Variants in TRPM6 observed in about 807,000 individuals in gnomAD.
TRPM6 encodes the protein channel kinase 2.
Under a neutral mutation model 247.6 loss-of-function variants are expected in TRPM6, and 111 were observed. The observed-to-expected ratio is 0.45, with a 90% confidence interval of 0.38 to 0.52. The LOEUF (loss-of-function observed/expected upper bound fraction) is 0.52, where lower values mean the gene tolerates loss of function less well. Among genes scored for constraint, TRPM6 ranks in the 20% least tolerant of loss-of-function variants. The probability of loss-of-function intolerance (pLI) is 0.00; values close to 1 mark genes in which losing one functional copy is unlikely to be tolerated. For synonymous variants in TRPM6, 892 were observed against 853.8 expected (o/e 1.04, Z -0.78); for missense variants, 2,126 against 2,421.5 (o/e 0.88, Z 2.56).
chr9:74,804,854 C>A, intron 14 of TRPM6: 1 of 420,106 alleles, frequency 2.4e-6, no homozygotes. Context: ...AAAGAAAAGT[C>A]CGAAGCACAA....
At chr9:74,850,093 T>A (rs1004334259) in intron 3 of TRPM6, among the ~76,000 whole-genome samples, 1 of 152,162 alleles carries the variant, frequency 6.6e-6, no homozygotes, top group Non-Finnish European at 1.5e-5. Context: ...AGAACAGGGC[T>A]GGGCGCAGTG....
At chr9:74,790,544 C>T (rs145192624) in intron 19 of TRPM6, among the ~76,000 whole-genome samples, 187 of 152,248 alleles carry the variant, frequency 1.2e-3, no homozygotes, top group African/African-American at 4.2e-3. Flanking sequence ...GACTCATTTA[C>T]GTACATTAAT....
At chr9:74,854,482 C>A (rs1830462177) in intron 3 of TRPM6, among the ~76,000 whole-genome samples, 1 of 151,988 alleles carries the variant, frequency 6.6e-6, no homozygotes, top group Non-Finnish European at 1.5e-5. Context: ...ACGTTTGCAC[C>A]AAGCTAAGAG....
chr9:74,869,531 G>A (rs1830960844), intron 1 of TRPM6, among the ~76,000 whole-genome samples: 1 of 151,772 alleles, frequency 6.6e-6, no homozygotes, highest in Non-Finnish European at 1.5e-5. Context: ...TGTCGTATCT[G>A]CCAAAGGCTG....
In TRPM6 at chr9:74,762,949, C is replaced by T. The variant is rs1826704176; in HGVS notation, c.3722G>A (p.Arg1241Lys). Reference sequence around the variant, plus strand: ...AAGTTTTTTGCAAGTAGAATGCTTTCTCTTGGCCAGGAGAGCCTCATCCTC... The same window carrying T: ...AAGTTTTTTGCAAGTAGAATGCTTTTTCTTGGCCAGGAGAGCCTCATCCTC... ...LQEDEALLAK[R>K]KHSTCKKLPH... The change falls in exon 26 of 39, where the codon AGA (arginine) becomes AAA (lysine). Residue 1241 changes from arginine to lysine, a missense_variant. Arg to Lys is a conservative substitution (Grantham distance 26). Coordinates refer to ENST00000360774, the MANE Select transcript of TRPM6 (RefSeq NM_017662.5). 2 of 1,607,572 alleles carry T rather than the reference C, an allele frequency of 1.2e-6. No individual in the cohort carries two copies. The highest frequency in any genetic ancestry group is 1.7e-6 in the Non-Finnish European group (2 of 1,175,632).
chr9:74,848,802 A>G (rs1830189187), intron 3 of TRPM6, among the ~76,000 whole-genome samples: 1 of 152,208 alleles, frequency 6.6e-6, no homozygotes, highest in South Asian at 2.1e-4. Context: ...ACATTAGTAA[A>G]TGTTATATTT....
chr9:74,758,186 A>C (rs1239311662), intron 27 of TRPM6, among the ~76,000 whole-genome samples: 2 of 152,216 alleles, frequency 1.3e-5, no homozygotes, highest in Non-Finnish European at 2.9e-5. Context: ...TCATTGGTTA[A>C]TTCTACGAAT....
At chr9:74,728,484 AAAC>A in intron 37 of TRPM6, 139 bp from the exon 38 acceptor site, 2 of 690,794 alleles carry the variant, frequency 2.9e-6, no homozygotes, top group Non-Finnish European at 5.2e-6. Flanking sequence ...CACTTTGGGG[AAAC>A]AACAATGTTA....
chr9:74,777,369 G>C (rs948234923), intron 23 of TRPM6, among the ~76,000 whole-genome samples: 2 of 152,078 alleles, frequency 1.3e-5, no homozygotes, highest in Admixed American at 1.3e-4. Flanking sequence ...GTCAGATCTG[G>C]GGTTGGTCAC....
In TRPM6 at chr9:74,775,939, C is replaced by G; in HGVS notation, c.3347G>C (p.Arg1116Pro). ...AGGAGCTCGATGACAGCACAGGCGG[C>G]GGAGGAGAAGGCCCACGTGGCTCAG... ...ILLSHVGLLL[R>P]RLCCHRAPHD... The change falls in exon 24 of 39, where the codon CGC becomes CCC. Residue 1116 changes from arginine to proline, a missense_variant. Arg to Pro is a moderately radical substitution (Grantham distance 103). Around this residue, in one of 3 missense-constraint regions of TRPM6, gnomAD observed 717 missense variants for 715.9 expected, o/e 1.00. Coordinates refer to ENST00000360774, the MANE Select transcript of TRPM6 (RefSeq NM_017662.5). 6.2e-7 allele frequency: 1 copy of G among 1,614,104 alleles called. No individual in the cohort carries two copies. Among genetic ancestry groups the G allele is most frequent in the Non-Finnish European group, 8.5e-7 (1 of 1,180,012 alleles).
intron 1 of TRPM6, among the ~76,000 whole-genome samples, chr9:74,866,970 C>G (rs1461276810): frequency 1.3e-5 from 2 of 152,238 alleles, no homozygotes; most frequent in East Asian, 3.9e-4. Flanking sequence ...TCATTTTAAC[C>G]TGTTACATGC....
Position 74,739,772 on chromosome 9 carries a change from G to A in TRPM6, c.5438C>T (p.Thr1813Ile). The A allele has an allele frequency of 6.2e-7, 1 of 1,614,054 alleles. No individual in the cohort carries two copies. The highest frequency in any genetic ancestry group is 8.5e-7 in the Non-Finnish European group (1 of 1,180,018). ...VKSFLPEVVR[T>I]WHKIFQESTV... ...GCTCTCCTGGAAGATTTTATGCCATGTCCGCACAACCTCAGGAAGAAAGGA... is the reference window on the plus strand; with the variant it reads ...GCTCTCCTGGAAGATTTTATGCCATATCCGCACAACCTCAGGAAGAAAGGA... The change falls in exon 34 of 39, where the codon ACA becomes ATA. Residue 1813 changes from threonine to isoleucine, a missense_variant. Thr to Ile is a moderately conservative substitution (Grantham distance 89, BLOSUM62 -1). This residue lies in a region of TRPM6 where 327 missense variants were observed against 397.7 expected (regional missense o/e 0.82). Coordinates refer to ENST00000360774, the MANE Select transcript of TRPM6 (RefSeq NM_017662.5).
intron 3 of TRPM6, among the ~76,000 whole-genome samples, chr9:74,851,866 G>A (rs962347210): frequency 4.5e-4 from 67 of 149,956 alleles, no homozygotes; most frequent in African/African-American, 1.5e-3. Context: ...GTCCAGGTGC[G>A]GTGGCTCCCA....
chr9:74,840,590 G>A (rs907122624), intron 4 of TRPM6, among the ~76,000 whole-genome samples: 30 of 152,196 alleles, frequency 2.0e-4, no homozygotes, highest in Admixed American at 1.7e-3. Flanking sequence ...CGAGGTGGGC[G>A]GAACACCTGA....
intron 12 of TRPM6, among the ~76,000 whole-genome samples, chr9:74,811,145 C>A (rs1401399771): frequency 6.6e-6 from 1 of 152,094 alleles, no homozygotes; most frequent in East Asian, 1.9e-4. Flanking sequence ...TATTACTATC[C>A]TTTATCATAC....
chr9:74,748,015 T>C, intron 30 of TRPM6, 101 bp from the exon 31 acceptor site: 1 of 1,063,370 alleles, frequency 9.4e-7, no homozygotes. Context: ...ACACAAAGTA[T>C]ATATTTTATA....
intron 24 of TRPM6, among the ~76,000 whole-genome samples, chr9:74,772,355 A>G (rs1307739010): frequency 6.6e-6 from 1 of 152,246 alleles, no homozygotes; most frequent in Non-Finnish European, 1.5e-5. Flanking sequence ...TGACTCATAT[A>G]TAGAATTCTT....
At chr9:74,763,256 C>A in intron 25 of TRPM6, 122 bp from the exon 26 acceptor site, 3 of 944,290 alleles carry the variant, frequency 3.2e-6, no homozygotes, top group East Asian at 2.6e-5. Context: ...TAGGTTAAGT[C>A]TGTCTTTTGC....
Position 74,738,588 on chromosome 9 carries a change from G to A in TRPM6, c.5595C>T (p.Tyr1865=), listed in dbSNP as rs764231275. 1 of 1,613,922 alleles carries A rather than the reference G, an allele frequency of 6.2e-7. No homozygotes were observed. Among genetic ancestry groups the A allele is most frequent in the African/African-American group, 1.3e-5 (1 of 74,926 alleles). ...TPRFLEVFLI[Y]CHSANQWLTI... ...TCAACCACTGGTTGGCTGAATGGCA[G>A]TAGATTAAGAAAACTTCCAGGAACC... The change falls in exon 36 of 39, where the codon TAC becomes TAT. Residue 1865 remains tyrosine, a synonymous_variant. Coordinates refer to ENST00000360774, the MANE Select transcript of TRPM6 (RefSeq NM_017662.5).
Sources: allele counts gnomAD v4.1 joint callset (sites outside exome capture counted in the v4.1 genomes callset), GRCh38; gene constraint gnomAD v4.1.1; regional missense constraint gnomAD v4.1.1; transcripts MANE v1.5; gene names NCBI Gene and HGNC (gene_info 2026-07-23, HGNC 2026-07-21).